Variants in KIF6 observed in about 807,000 individuals in gnomAD.
KIF6 encodes the protein kinesin-like protein KIF6.
In KIF6, 106 loss-of-function variants were observed where a neutral mutation model predicts 112.7. The ratio of observed to expected loss-of-function variants is 0.94; its 90% confidence interval spans 0.80 to 1.11. The LOEUF is 1.11. Ranked by LOEUF, KIF6 falls within the 50% of genes least tolerant of loss-of-function variation. KIF6 has a pLI of 0.00. For synonymous variants in KIF6, 339 were observed against 339.9 expected (o/e 1.00, Z 0.03); for missense variants, 929 against 964.0 (o/e 0.96, Z 0.48).
At chr6:39,372,043 A>T (rs976055714) in intron 16 of KIF6, among the ~76,000 whole-genome samples, 2 of 152,152 alleles carry the variant, frequency 1.3e-5, no homozygotes, top group African/African-American at 4.8e-5. Flanking sequence ...AAGAGAGATG[A>T]CTATTTCCCT....
intron 3 of KIF6, among the ~76,000 whole-genome samples, chr6:39,679,865 C>T (rs1397788963): frequency 6.6e-6 from 1 of 152,036 alleles, no homozygotes; most frequent in African/African-American, 2.4e-5. Context: ...GATCCGCCCA[C>T]CTCAGCCTCC....
intron 6 of KIF6, among the ~76,000 whole-genome samples, chr6:39,602,802 C>G (rs537808208): frequency 3.3e-5 from 5 of 152,248 alleles, no homozygotes; most frequent in African/African-American, 7.2e-5. Context: ...TGCCTTTTCT[C>G]CTGTCTAGAA....
chr6:39,442,590 C>T (rs1411310031), intron 13 of KIF6, among the ~76,000 whole-genome samples: 1 of 152,184 alleles, frequency 6.6e-6, no homozygotes. Flanking sequence ...TTAAATAAGA[C>T]AGCACGCTGT....
In KIF6 at chr6:39,487,544, T is replaced by C. The variant is rs1463308173; in HGVS notation, c.1645+52459A>G. Among the ~76,000 whole-genome samples the C allele has an allele frequency of 2.0e-5, 3 of 152,316 alleles. No homozygotes were observed. In the East Asian group the frequency reaches 5.8e-4, roughly 29 times the overall value. On this transcript the variant is annotated intron_variant, in intron 13 of 22. Coordinates refer to ENST00000287152, the MANE Select transcript of KIF6 (RefSeq NM_145027.6). Reference sequence around the variant, plus strand: ...CTAGCTTCTCTCTGCCTAGGTCTGCTTTCTCCCTTCCCCCACAGGTGTCAA... The same window carrying C: ...CTAGCTTCTCTCTGCCTAGGTCTGCCTTCTCCCTTCCCCCACAGGTGTCAA...
chr6:39,406,582 T>C (rs1469754843), intron 15 of KIF6, among the ~76,000 whole-genome samples: 1 of 152,236 alleles, frequency 6.6e-6, no homozygotes, highest in Non-Finnish European at 1.5e-5. Flanking sequence ...TCTTTGCCAC[T>C]ATATGTGTTG....
At chr6:39,446,664 AT>A (rs1026400602) in intron 13 of KIF6, among the ~76,000 whole-genome samples, 1 of 151,880 alleles carries the variant, frequency 6.6e-6, no homozygotes, top group Non-Finnish European at 1.5e-5. Flanking sequence ...TAATTTTTGT[AT>A]TTTTAGTAGA....
chr6:39,658,498 A>G (rs1224355162), intron 3 of KIF6, among the ~76,000 whole-genome samples: 1 of 152,112 alleles, frequency 6.6e-6, no homozygotes, highest in Non-Finnish European at 1.5e-5. Context: ...TATACCTAAT[A>G]CTCTTACAAC....
At chr6:39,556,780 G>A (rs1779730748) in intron 10 of KIF6, among the ~76,000 whole-genome samples, 1 of 152,142 alleles carries the variant, frequency 6.6e-6, no homozygotes. Flanking sequence ...AGTTGGAAGT[G>A]GGCTAGCCCT....
intron 12 of KIF6, among the ~76,000 whole-genome samples, chr6:39,540,533 C>A (rs1778728699): frequency 6.6e-6 from 1 of 152,226 alleles, no homozygotes; most frequent in Non-Finnish European, 1.5e-5. Context: ...TAGTAGTAGA[C>A]AATAGGCTAT....
At chr6:39,550,298 C>G (rs541334428) in intron 10 of KIF6, among the ~76,000 whole-genome samples, 71 of 152,092 alleles carry the variant, frequency 4.7e-4, no homozygotes, top group Middle Eastern at 3.4e-3. Flanking sequence ...GTTGGGAGAA[C>G]AGAAGAGTGG....
At chr6:39,497,128 ACT>A (rs1406243802) in intron 13 of KIF6, among the ~76,000 whole-genome samples, 21 of 152,074 alleles carry the variant, frequency 1.4e-4, no homozygotes, top group Non-Finnish European at 5.9e-5. Context: ...TCTACATTAG[ACT>A]CTCTTTCGCA....
intron 15 of KIF6, among the ~76,000 whole-genome samples, chr6:39,404,066 A>G (rs1768908652): frequency 6.6e-6 from 1 of 152,172 alleles, no homozygotes; most frequent in South Asian, 2.1e-4. Context: ...TATATTCTGT[A>G]TAGAAGTCCT....
intron 16 of KIF6, among the ~76,000 whole-genome samples, chr6:39,377,045 T>C (rs555130715): frequency 1.3e-3 from 202 of 152,270 alleles, no homozygotes; most frequent in African/African-American, 4.6e-3. Context: ...GGCTAGAGGA[T>C]GCTGGAAGAT....
At chr6:39,451,157 G>A (rs1772677389) in intron 13 of KIF6, among the ~76,000 whole-genome samples, 1 of 152,176 alleles carries the variant, frequency 6.6e-6, no homozygotes, top group East Asian at 1.9e-4. Context: ...GCCACTATAT[G>A]TCAGTTACTA....
rs761988781 is a variant in KIF6 at position 39,357,375 on chromosome 6, C to T, written c.2083-1G>A. The T allele has an allele frequency of 5.5e-5, 88 of 1,605,016 alleles. No individual in the cohort carries two copies. The Middle Eastern group carries it at 6.6e-4, about 12-fold the overall frequency. On this transcript the variant is annotated splice_acceptor_variant, in intron 18 of 22. Coordinates refer to ENST00000287152, the MANE Select transcript of KIF6 (RefSeq NM_145027.6). LOFTEE classifies it high-confidence loss of function. The stretch of plus-strand genomic sequence containing the variant: ...GTGAATTCACTGCTGGAGAATTTAC[C>T]TGTTGGCCCCAGAAGGAGTTTCACA...
intron 7 of KIF6, among the ~76,000 whole-genome samples, chr6:39,594,892 C>G (rs1469154508): frequency 6.6e-6 from 1 of 151,878 alleles, no homozygotes; most frequent in Non-Finnish European, 1.5e-5. Context: ...CTTTAACATT[C>G]ATCTCACAGC....
chr6:39,626,991 A>G (rs544661813), intron 5 of KIF6, among the ~76,000 whole-genome samples: 5 of 152,234 alleles, frequency 3.3e-5, no homozygotes, highest in Non-Finnish European at 7.4e-5. Flanking sequence ...ACACACTACT[A>G]ACTGATTTTT....
At chr6:39,684,520 C>G (rs1295629089) in intron 3 of KIF6, among the ~76,000 whole-genome samples, 1 of 150,092 alleles carries the variant, frequency 6.7e-6, no homozygotes, top group African/African-American at 2.5e-5. Flanking sequence ...GAGGCTGAGG[C>G]AAAAGAATCA....
chr6:39,420,275 C>G (rs1770254755), intron 14 of KIF6, among the ~76,000 whole-genome samples: 1 of 152,150 alleles, frequency 6.6e-6, no homozygotes, highest in Admixed American at 6.5e-5. Context: ...TTTCATGATG[C>G]AAAGATATCA....
Sources: allele counts gnomAD v4.1 joint callset (sites outside exome capture counted in the v4.1 genomes callset), GRCh38; gene constraint gnomAD v4.1.1; transcripts MANE v1.5; gene names NCBI Gene and HGNC (gene_info 2026-07-23, HGNC 2026-07-21).